The following ADGRV1 variants were observed in gnomAD, a reference collection of about 807,000 sequenced individuals.
ADGRV1 encodes G-protein coupled receptor 98.
In ADGRV1, 359 loss-of-function variants were observed where a neutral mutation model predicts 596.2. That is an observed-to-expected ratio of 0.60 (90% CI 0.55 to 0.66). The LOEUF is 0.66. ADGRV1 is among the 30% of genes least tolerant of loss of function. ADGRV1 has a pLI of 0.00. For synonymous variants in ADGRV1, 2,681 were observed against 2,679.2 expected (o/e 1.00, Z -0.02); for missense variants, 7,274 against 7,575.6 (o/e 0.96, Z 1.48).
intron 89 of ADGRV1, 52 bp downstream of exon 89, chr5:91,153,450 C>A (rs1039508013): frequency 1.5e-6 from 2 of 1,328,296 alleles, no homozygotes; most frequent in Non-Finnish European, 1.0e-6. Context: ...TGCTATGTTA[C>A]AATTTATATT....
intron 87 of ADGRV1, among the ~76,000 whole-genome samples, chr5:91,131,776 A>C (rs1794239899): frequency 6.6e-6 from 1 of 152,136 alleles, no homozygotes; most frequent in African/African-American, 2.4e-5. Context: ...TTCTTTTGCT[A>C]TATAAAAGCC....
At position 90,807,968 on chromosome 5, in the gene ADGRV1, T is replaced by G. The variant is rs2438373; in HGVS notation, c.14972+231T>G. On this transcript the variant is annotated intron_variant, in intron 73 of 89. Transcript: ENST00000405460. ...CTCATGCCCCACCTTGAGAATGGGG[T>G]CTGGGGTACCATCTCCACTAAGAGC... 0.87 allele frequency among the ~76,000 whole-genome samples: 132,236 copies of G among 152,156 alleles called. 59,540 individuals carry two copies. The highest frequency in any genetic ancestry group is 1 in the East Asian group (5,167 of 5,168).
rs1456167114 is a variant in ADGRV1 at position 90,567,780 on chromosome 5, C to T, written c.22+8863C>T. Among the ~76,000 whole-genome samples the T allele has an allele frequency of 2.0e-5, 3 of 150,912 alleles. No homozygotes were observed. The South Asian group carries it at 6.3e-4, about 31-fold the overall frequency. On this transcript the variant is annotated intron_variant, in intron 1 of 89. Transcript: ENST00000405460. ...ACAGAATCTTGGTCTGTTACCCCGG[C>T]GGGAGTGGGAGTGCAGTGGTGCGAT...
intron 50 of ADGRV1, among the ~76,000 whole-genome samples, chr5:90,736,448 G>C (rs2149857363): frequency 6.6e-6 from 1 of 151,924 alleles, no homozygotes; most frequent in East Asian, 1.9e-4. Context: ...TTCTTATAGG[G>C]TCTTTGGCCT....
chr5:91,083,134 C>T (rs922168683), intron 86 of ADGRV1, among the ~76,000 whole-genome samples: 12 of 151,466 alleles, frequency 7.9e-5, no homozygotes, highest in South Asian at 6.3e-4. Flanking sequence ...AGCAAAGTGT[C>T]GCAAGGACAG....
chr5:90,938,215 T>A (rs79156621), intron 83 of ADGRV1, among the ~76,000 whole-genome samples: 1,949 of 152,284 alleles, frequency 0.013, 49 homozygotes, highest in African/African-American at 0.044. Context: ...AAAAAAATTT[T>A]TTGGAGTTGT....
At chr5:90,796,423 A>G (rs1382608104) in intron 70 of ADGRV1, among the ~76,000 whole-genome samples, 4 of 149,014 alleles carry the variant, frequency 2.7e-5, no homozygotes, top group African/African-American at 1.0e-4. Context: ...AGACGAGATT[A>G]GAGAAAAAAA....
chr5:90,926,709 C>T (rs1272343168), intron 83 of ADGRV1, among the ~76,000 whole-genome samples: 9 of 148,752 alleles, frequency 6.1e-5, no homozygotes, highest in Admixed American at 1.3e-4. Context: ...TTTTCTAGTT[C>T]TTTTAATTGT....
chr5:90,664,090 A>G (rs1330056405), intron 21 of ADGRV1, among the ~76,000 whole-genome samples: 1 of 145,714 alleles, frequency 6.9e-6, no homozygotes, highest in Non-Finnish European at 1.5e-5. Flanking sequence ...TGCCTTGGCG[A>G]TGCGGGCTCT....
intron 48 of ADGRV1, among the ~76,000 whole-genome samples, chr5:90,726,808 T>G (rs947501908): frequency 1.3e-5 from 2 of 152,192 alleles, no homozygotes; most frequent in African/African-American, 4.8e-5. Flanking sequence ...ACTTGGATAC[T>G]TTTATCAATC....
At chr5:90,986,032 C>T (rs1215565862) in intron 85 of ADGRV1, among the ~76,000 whole-genome samples, 1 of 150,662 alleles carries the variant, frequency 6.6e-6, no homozygotes, top group East Asian at 1.9e-4. Flanking sequence ...TTAAAATACC[C>T]TTTTAATCTT....
At chr5:90,673,951 G>A (rs1009555093) in intron 22 of ADGRV1, 103 bp from the exon 23 acceptor site, 17 of 752,140 alleles carry the variant, frequency 2.3e-5, no homozygotes, top group African/African-American at 3.5e-5. Flanking sequence ...GTCGTAAGTG[G>A]TAACTTCATT....
At chr5:90,601,248 AAGC>A (rs1761371008) in intron 1 of ADGRV1, among the ~76,000 whole-genome samples, 1 of 151,918 alleles carries the variant, frequency 6.6e-6, no homozygotes, top group Non-Finnish European at 1.5e-5. Context: ...AAAAAAAAAA[AAGC>A]AGCAAGGGAA....
At chr5:91,041,480 C>G (rs1346465332) in intron 85 of ADGRV1, among the ~76,000 whole-genome samples, 1 of 151,832 alleles carries the variant, frequency 6.6e-6, no homozygotes, top group Admixed American at 6.6e-5. Context: ...ACACTGGGGC[C>G]CATCGAGGGG....
chr5:91,090,938 A>G (rs928749439), intron 86 of ADGRV1, among the ~76,000 whole-genome samples: 4 of 152,184 alleles, frequency 2.6e-5, no homozygotes, highest in Non-Finnish European at 4.4e-5. Flanking sequence ...AAAGTGTGTC[A>G]TACATTAACT....
chr5:90,720,024 C>A (rs375640082), intron 43 of ADGRV1, 24 bp from the exon 44 acceptor site: 262 of 1,596,638 alleles, frequency 1.6e-4, no homozygotes, highest in Non-Finnish European at 2.1e-4. Context: ...TTCTAGTAAC[C>A]TTATCTTTTG....
In ADGRV1 at chr5:90,671,211, G is replaced by A. The variant is rs942702862; in HGVS notation, c.4753-1335G>A. Reference sequence around the variant, plus strand: ...CAATAACTAGAATGCAGAGGCTCAGGCAGCAGGAGGTAAAAGTGAGACTGA... The same window carrying A: ...CAATAACTAGAATGCAGAGGCTCAGACAGCAGGAGGTAAAAGTGAGACTGA... On this transcript the variant is annotated intron_variant, in intron 21 of 89. Transcript: ENST00000405460. Among the ~76,000 whole-genome samples, 34 of 152,302 alleles carry A rather than the reference G, an allele frequency of 2.2e-4. No individual in the cohort carries two copies. The South Asian group carries it at 2.3e-3, about 10-fold the overall frequency.
intron 61 of ADGRV1, among the ~76,000 whole-genome samples, chr5:90,776,984 G>A (rs1443656780): frequency 1.3e-5 from 2 of 152,126 alleles, no homozygotes; most frequent in Non-Finnish European, 2.9e-5. Flanking sequence ...GCTTTCAAGT[G>A]TTCTAAAATC....
chr5:90,954,314 G>A (rs769814740), intron 83 of ADGRV1, among the ~76,000 whole-genome samples: 9 of 151,850 alleles, frequency 5.9e-5, no homozygotes, highest in Non-Finnish European at 1.0e-4. Context: ...GATCTGTATG[G>A]GTTAGCATAT....
Sources: allele counts gnomAD v4.1 joint callset (sites outside exome capture counted in the v4.1 genomes callset), GRCh38; gene constraint gnomAD v4.1.1; transcripts MANE v1.5; gene names NCBI Gene and HGNC (gene_info 2026-07-23, HGNC 2026-07-21).